Variants in RGPD4 observed in about 807,000 individuals in gnomAD.
RGPD4 encodes the protein RANBP2 like and GRIP domain containing 4, also known as ranBP2-like and GRIP domain-containing protein 4.
A neutral mutation model predicts 141.1 loss-of-function variants in RGPD4; 84 were observed. The ratio of observed to expected loss-of-function variants is 0.60; its 90% CI spans 0.50 to 0.71. The LOEUF (loss-of-function observed/expected upper bound fraction) is 0.71. RGPD4 is among the 30% of genes least tolerant of loss of function. The probability of loss-of-function intolerance (pLI) is 0.00; values close to 1 mark genes in which losing one functional copy is unlikely to be tolerated. For missense variants in RGPD4, 918 were observed against 1,622.4 expected, an observed-to-expected ratio of 0.57 and a Z score of 7.46; for synonymous variants, 298 against 566.8, an observed-to-expected ratio of 0.53 and a Z score of 6.74.
rs1682475596 is a variant in RGPD4, at chr2:107,859,770, C to T, written c.1683C>T (p.Asn561=). 1 of 1,610,802 alleles carries T rather than the reference C, an allele frequency of 6.2e-7. No individual in the cohort carries two copies. Among genetic ancestry groups the T allele is most frequent in the African/African-American group, 1.3e-5 (1 of 74,094 alleles). Residue 561 remains asparagine (N), a synonymous_variant, in exon 12 of 23, where the codon AAC becomes AAT. Transcript: ENST00000408999. ...KLRLLVQHEI[N]TLRAQEKHGL... is the part of the protein sequence containing the mutation. ...GACTTTTAGTTCAGCATGAAATAAACACTCTAAGAGCCCAGGAAAAACATG... is the reference window on the plus strand; with the variant it reads ...GACTTTTAGTTCAGCATGAAATAAATACTCTAAGAGCCCAGGAAAAACATG...
intron 1 of RGPD4, among the ~76,000 whole-genome samples, 160 bp downstream of exon 1, chr2:107,827,245 G>C (rs1423304958): frequency 2.3e-5 from 3 of 132,526 alleles, no homozygotes; most frequent in African/African-American, 2.9e-5. Context: ...CCGGCCCGGC[G>C]GCGGCCTCGA....
chr2:107,829,761 G>C (rs1255126164), intron 1 of RGPD4, among the ~76,000 whole-genome samples: 3 of 152,128 alleles, frequency 2.0e-5, no homozygotes, highest in South Asian at 2.1e-4. Context: ...GCTTGTTCCC[G>C]ACGGTGCTCG....
Position 107,871,144 on chromosome 2 carries a change from A to T in RGPD4, c.3140A>T (p.Lys1047Ile), listed in dbSNP as rs1246422374. ...HFEPVVQMPE[K>I]VELVIGEEGE... is the part of the protein sequence containing the mutation. ...GAACCAGTAGTTCAAATGCCTGAAA[A>T]AGTAGAACTTGTAATAGGAGAAGAA... Residue 1047 changes from lysine to isoleucine, a missense_variant, in exon 20 of 23, where the codon AAA becomes ATA. Lys to Ile is a moderately radical substitution (Grantham distance 102). Transcript: ENST00000408999. 5 of 1,610,838 alleles carry T rather than the reference A, an allele frequency of 3.1e-6. No individual in the cohort carries two copies. The Admixed American group carries it at 8.3e-5, about 27-fold the overall frequency.
At chr2:107,840,845 A>G (rs189359140) in intron 4 of RGPD4, among the ~76,000 whole-genome samples, 1 of 69,312 alleles carries the variant, frequency 1.4e-5, no homozygotes, top group East Asian at 2.4e-4. Flanking sequence ...TGCCTCCCGG[A>G]TTCTCAGGTG....
chr2:107,855,064 T>C (rs1573492752), intron 8 of RGPD4, among the ~76,000 whole-genome samples: 1 of 107,360 alleles, frequency 9.3e-6, no homozygotes, highest in African/African-American at 3.6e-5. Context: ...AGAAGATATA[T>C]ACTTACCTTA....
chr2:107,876,879 C>T (rs1032118647), intron 20 of RGPD4, among the ~76,000 whole-genome samples: 3 of 152,152 alleles, frequency 2.0e-5, no homozygotes, highest in African/African-American at 4.8e-5. Context: ...ACCAGAAACC[C>T]AGGAAAATGC....
chr2:107,854,735 A>G, intron 8 of RGPD4, 92 bp downstream of exon 8: 3 of 1,547,606 alleles, frequency 1.9e-6, no homozygotes, highest in Non-Finnish European at 2.6e-6. Flanking sequence ...TGTCCAGGAG[A>G]TAATTTGTCA....
chr2:107,889,079 T>G (rs1675582197), intron 22 of RGPD4, among the ~76,000 whole-genome samples: 1 of 150,376 alleles, frequency 6.6e-6, no homozygotes, highest in Non-Finnish European at 1.5e-5. Context: ...CCATGTAAAA[T>G]TTTGAAAATG....
chr2:107,857,409 G>A (rs1682361499), intron 9 of RGPD4, among the ~76,000 whole-genome samples: 1 of 149,544 alleles, frequency 6.7e-6, no homozygotes, highest in Non-Finnish European at 1.5e-5. Flanking sequence ...AAAGTGCTGG[G>A]ATTACAGGTG....
intron 1 of RGPD4, among the ~76,000 whole-genome samples, chr2:107,832,766 G>GC (rs1197080406): frequency 1.1e-4 from 17 of 151,856 alleles, no homozygotes; most frequent in African/African-American, 3.9e-4. Context: ...TGAAAGCATT[G>GC]CTCCATTTTC....
intron 1 of RGPD4, among the ~76,000 whole-genome samples, chr2:107,835,477 C>A (rs1681637499): frequency 7.1e-6 from 1 of 140,880 alleles, no homozygotes; most frequent in Non-Finnish European, 1.5e-5. Flanking sequence ...GCCTTTTTGA[C>A]TCCTTGACTG....
At chr2:107,877,143 G>T (rs1404684830) in intron 20 of RGPD4, among the ~76,000 whole-genome samples, 5 of 151,670 alleles carry the variant, frequency 3.3e-5, no homozygotes, top group Admixed American at 1.3e-4. Context: ...GGAGGCCAAG[G>T]CGGGTGGATC....
At chr2:107,852,250 CAAAA>C (rs374226591) in intron 7 of RGPD4, among the ~76,000 whole-genome samples, 4 of 114,956 alleles carry the variant, frequency 3.5e-5, no homozygotes, top group Admixed American at 9.0e-5. Context: ...GACTCCATCT[CAAAA>C]AAAAAAAAAA....
chr2:107,844,804 T>C (rs1661358), intron 6 of RGPD4, among the ~76,000 whole-genome samples: 2 of 76,910 alleles, frequency 2.6e-5, no homozygotes, highest in Admixed American at 2.2e-4. Context: ...TGTGGGTTCC[T>C]TTCTTTCTTT....
rs372249933 is a variant in RGPD4 at position 107,883,561 on chromosome 2, C to T, written c.5266+688C>T. On this transcript the variant is annotated intron_variant, in intron 22 of 22. Coordinates refer to ENST00000408999, the MANE Select transcript of RGPD4 (RefSeq NM_182588.3). ...AGGAGAGTCACTTGAACTCACGAGG[C>T]GGAGGTTGCAGTGATCTGTCACACC... Among the ~76,000 whole-genome samples the T allele has an allele frequency of 1.2e-4, 17 of 143,938 alleles. No homozygotes were observed. The East Asian group carries it at 1.2e-3, about 10-fold the overall frequency. 94.4% of individuals were successfully genotyped at this position (143,938 alleles called of 152,430 possible).
At chr2:107,844,802 CCTTTCTTT>C (rs370881895) in intron 6 of RGPD4, among the ~76,000 whole-genome samples, 42 of 53,844 alleles carry the variant, frequency 7.8e-4, no homozygotes, top group Non-Finnish European at 1.3e-3. Flanking sequence ...TATGTGGGTT[CCTTTCTTT>C]CTTTCTTTCT....
Position 107,831,357 on chromosome 2 carries a change from C to T in RGPD4, c.72+4272C>T, listed in dbSNP as rs185304035. On this transcript the variant is annotated intron_variant, in intron 1 of 22. Coordinates refer to ENST00000408999, the MANE Select transcript of RGPD4 (RefSeq NM_182588.3). The stretch of plus-strand genomic sequence containing the variant: ...ATTTATATTTTTTTTAGAATAGGGT[C>T]TTGCTATGTTGCTCATCAAATTTTT... 1.5e-3 allele frequency among the ~76,000 whole-genome samples: 214 copies of T among 143,800 alleles called. 1 individual carries two copies. Among genetic ancestry groups the T allele is most frequent in the African/African-American group, 4.9e-3 (196 of 40,252 alleles). The allele number at this position is 143,800 out of a possible 152,430, so 94.3% of individuals were successfully genotyped here.
rs1675636218 is a variant in RGPD4, at chr2:107,890,762, T to A, written c.*31T>A. ...TTCCCGTTCTTCTGGATGGGCATCC[T>A]ATCTTCGTAGTTGGTTTGGACTTCG... On this transcript the variant is annotated 3_prime_UTR_variant, in exon 23 of 23. Transcript: ENST00000408999. 6.2e-7 allele frequency: 1 copy of A among 1,603,444 alleles called. No homozygotes were observed. The highest frequency in any genetic ancestry group is 8.5e-7 in the Non-Finnish European group (1 of 1,176,662).
intron 22 of RGPD4, among the ~76,000 whole-genome samples, chr2:107,885,520 AG>A (rs1675485486): frequency 6.6e-6 from 1 of 152,192 alleles, no homozygotes; most frequent in Non-Finnish European, 1.5e-5. Flanking sequence ...AGGGATACCA[AG>A]AACAGATATT....
Sources: gnomAD v4.1 joint callset for allele counts (sites outside exome capture counted in the v4.1 genomes callset) on GRCh38, gnomAD v4.1.1 for gene constraint, MANE v1.5 for transcripts, NCBI Gene and HGNC (gene_info 2026-07-23, HGNC 2026-07-21) for gene names.